PRIM2: variants seen among roughly 807,000 people sequenced by gnomAD.
PRIM2 encodes DNA primase subunit 2, also known as DNA primase large subunit.
PRIM2 carries 39 observed loss-of-function variants against 67.3 expected under a neutral mutation model. The ratio of observed to expected loss-of-function variants is 0.58; its 90% CI spans 0.45 to 0.76. The LOEUF (loss-of-function observed/expected upper bound fraction) is 0.76. Among genes scored for constraint, PRIM2 ranks in the 30% least tolerant of loss-of-function variants. The pLI is 0.00. For synonymous variants in PRIM2, 143 were observed against 198.7 expected (o/e 0.72, Z 2.36); for missense variants, 398 against 598.7 (o/e 0.66, Z 3.50).
chr6:57,565,135 A>G (rs1419031150), intron 10 of PRIM2, among the ~76,000 whole-genome samples: 1 of 152,204 alleles, frequency 6.6e-6, no homozygotes, highest in African/African-American at 2.4e-5. Context: ...AATGATCATC[A>G]TAATAGTTTA....
At chr6:57,635,009 C>T (rs2127500137) in intron 13 of PRIM2, among the ~76,000 whole-genome samples, 1 of 152,266 alleles carries the variant, frequency 6.6e-6, no homozygotes, top group Non-Finnish European at 1.5e-5. Context: ...TCTATTTTTA[C>T]TGTCAGGTTT....
At chr6:57,277,211 C>T in the PRIM2 span, among the ~76,000 whole-genome samples, 1 of 152,088 alleles carries the variant, frequency 6.6e-6, no homozygotes, top group Non-Finnish European at 1.5e-5. Context: ...GGTATCCTTT[C>T]AAAAGGGGCA....
At chr6:57,266,168 C>A in the PRIM2 span, among the ~76,000 whole-genome samples, 1 of 152,082 alleles carries the variant, frequency 6.6e-6, no homozygotes, top group African/African-American at 2.4e-5. Flanking sequence ...TATAAAGTAG[C>A]TGCAATGTGA....
intron 10 of PRIM2, among the ~76,000 whole-genome samples, chr6:57,547,063 TTAAA>T (rs1775302274): frequency 6.6e-6 from 1 of 152,182 alleles, no homozygotes; most frequent in Non-Finnish European, 1.5e-5. Flanking sequence ...GTCTTATTCC[TTAAA>T]TAATTTCCTG....
At chr6:57,326,579 G>A (rs1755831) in intron 5 of PRIM2, among the ~76,000 whole-genome samples, 26,690 of 151,888 alleles carry the variant, frequency 0.18, 2,509 homozygotes, top group Non-Finnish European at 0.19. Flanking sequence ...AAATTAGCCA[G>A]GCATGGTGCT....
chr6:57,457,061 C>T (rs1185390129), intron 7 of PRIM2, among the ~76,000 whole-genome samples: 93 of 152,260 alleles, frequency 6.1e-4, no homozygotes, highest in Non-Finnish European at 1.1e-3. Flanking sequence ...CACTCCAGAC[C>T]CTGTTTGTCT....
At chr6:57,345,091 G>T (rs1024705) in intron 5 of PRIM2, among the ~76,000 whole-genome samples, 11,105 of 137,836 alleles carry the variant, frequency 0.081, 530 homozygotes, top group African/African-American at 0.11. Flanking sequence ...GTCTTTAAAT[G>T]AGCTGAAGTT....
chr6:57,275,066 C>A, the PRIM2 span, among the ~76,000 whole-genome samples: 1 of 151,970 alleles, frequency 6.6e-6, no homozygotes, highest in South Asian at 2.1e-4. Context: ...CTGCGCCCAG[C>A]CCCTCCTCCC....
intron 10 of PRIM2, among the ~76,000 whole-genome samples, chr6:57,566,173 ATT>A (rs1160143924): frequency 1.1e-4 from 15 of 134,222 alleles, no homozygotes; most frequent in African/African-American, 4.2e-4. Flanking sequence ...TGTATAACCC[ATT>A]TTTTTTTTTT....
At chr6:57,502,748 A>AT (rs1183927414) in intron 7 of PRIM2, among the ~76,000 whole-genome samples, 2 of 152,180 alleles carry the variant, frequency 1.3e-5, no homozygotes, top group Non-Finnish European at 2.9e-5. Context: ...TTTATGAGAA[A>AT]TAAAGCTTCT....
intron 4 of PRIM2, among the ~76,000 whole-genome samples, chr6:57,325,087 C>T (rs1437099444): frequency 3.3e-5 from 5 of 151,828 alleles, no homozygotes; most frequent in South Asian, 2.1e-4. Flanking sequence ...TATAAATGAA[C>T]GTTATTGCTT....
intron 5 of PRIM2, among the ~76,000 whole-genome samples, chr6:57,369,457 A>G (rs1161295410): frequency 6.6e-6 from 1 of 152,218 alleles, no homozygotes; most frequent in Non-Finnish European, 1.5e-5. Context: ...ACCATTTGAA[A>G]CATTCAGGTA....
intron 9 of PRIM2, among the ~76,000 whole-genome samples, chr6:57,533,675 GTTC>G (rs1457691883): frequency 6.6e-6 from 1 of 152,162 alleles, no homozygotes; most frequent in Non-Finnish European, 1.5e-5. Context: ...GGTTAATTCT[GTTC>G]TTAGTTCTAG....
chr6:57,451,122 T>C (rs1368328004), intron 7 of PRIM2, among the ~76,000 whole-genome samples: 3 of 152,260 alleles, frequency 2.0e-5, no homozygotes, highest in Middle Eastern at 3.4e-3. Context: ...CTAAATGTGA[T>C]ATAGTAAAAT....
intron 10 of PRIM2, among the ~76,000 whole-genome samples, chr6:57,588,044 TGCTTA>T (rs1331093129): frequency 1.3e-5 from 2 of 152,178 alleles, no homozygotes; most frequent in African/African-American, 2.4e-5. Flanking sequence ...TTTAATAGTT[TGCTTA>T]AATCTTTATT....
chr6:57,431,277 A>G (rs1374543236), intron 7 of PRIM2, among the ~76,000 whole-genome samples: 5 of 151,534 alleles, frequency 3.3e-5, no homozygotes, highest in African/African-American at 9.7e-5. Flanking sequence ...TGGTGGTCGC[A>G]TAACCTAACT....
At chr6:57,456,823 G>A (rs1772804009) in intron 7 of PRIM2, among the ~76,000 whole-genome samples, 1 of 152,094 alleles carries the variant, frequency 6.6e-6, no homozygotes, top group African/African-American at 2.4e-5. Context: ...TTGTTCTGTT[G>A]CTGGTGAGGA....
intron 7 of PRIM2, among the ~76,000 whole-genome samples, chr6:57,483,007 T>C (rs1773667034): frequency 6.6e-6 from 1 of 152,126 alleles, no homozygotes; most frequent in Admixed American, 6.5e-5. Flanking sequence ...CCTCCTGGGT[T>C]CAATCTATTC....
intron 5 of PRIM2, among the ~76,000 whole-genome samples, chr6:57,353,314 A>G (rs1768916570): frequency 6.6e-6 from 1 of 152,128 alleles, no homozygotes; most frequent in South Asian, 2.1e-4. Flanking sequence ...TGTACATCAG[A>G]GCTATTGTTT....
Sources: gnomAD v4.1 joint callset for allele counts (sites outside exome capture counted in the v4.1 genomes callset) on GRCh38, gnomAD v4.1.1 for gene constraint, MANE v1.5 for transcripts, NCBI Gene and HGNC (gene_info 2026-07-23, HGNC 2026-07-21) for gene names.